Variants in BIRC6 observed in about 807,000 individuals in gnomAD.
BIRC6 encodes baculoviral IAP repeat containing 6.
Under a neutral mutation model 503.3 loss-of-function variants are expected in BIRC6, and 98 were observed. The ratio of observed to expected loss-of-function variants is 0.19; its 90% CI spans 0.17 to 0.23. The LOEUF (loss-of-function observed/expected upper bound fraction) is 0.23. BIRC6 is among the 10% of genes least tolerant of loss of function. The probability of loss-of-function intolerance (pLI) is 1.00; values close to 1 mark genes in which losing one functional copy is unlikely to be tolerated. For missense variants in BIRC6, 5,360 were observed against 5,806.0 expected (o/e 0.92, Z 2.50); for synonymous variants, 2,240 against 2,078.7 (o/e 1.08, Z -2.11).
At chr2:32,417,102 T>G (rs113285506) in intron 10 of BIRC6, among the ~76,000 whole-genome samples, 6,235 of 151,610 alleles carry the variant, frequency 0.041, 234 homozygotes, top group African/African-American at 0.1. Flanking sequence ...CTCCCAAAGT[T>G]CTGGGATTAC....
chr2:32,483,191 A>G (rs888641229), intron 39 of BIRC6, among the ~76,000 whole-genome samples: 9 of 152,210 alleles, frequency 5.9e-5, no homozygotes, highest in African/African-American at 2.2e-4. Flanking sequence ...TGCTTGGATT[A>G]CAGGAGTGAG....
chr2:32,463,458 TA>T (rs1208040459), intron 24 of BIRC6, 77 bp downstream of exon 24: 4 of 1,378,480 alleles, frequency 2.9e-6, no homozygotes, highest in Admixed American at 5.8e-5. Context: ...AAATGACCAT[TA>T]TTTTCATAAA....
intron 66 of BIRC6, among the ~76,000 whole-genome samples, chr2:32,584,571 A>G (rs1255606696): frequency 6.6e-6 from 1 of 152,162 alleles, no homozygotes; most frequent in Non-Finnish European, 1.5e-5. Context: ...TAAAACCTAA[A>G]CAATAAAAAG....
chr2:32,504,734 C>T (rs1025116196), intron 49 of BIRC6, among the ~76,000 whole-genome samples: 6 of 151,866 alleles, frequency 4.0e-5, no homozygotes, highest in Non-Finnish European at 8.8e-5. Context: ...TATTGAGCTA[C>T]GTTTATTGCT....
Position 32,415,733 on chromosome 2 carries a change from G to A in BIRC6, c.2442G>A (p.Gln814=). The change falls in exon 10 of 74, where the codon CAG becomes CAA. Residue 814 remains glutamine (Q), a synonymous_variant. Transcript: ENST00000421745. ...ATGTACAGACTCCTTTAATAATTCA[G>A]CCTGAGCAGAGGAATGTTAGTGGTG... is the stretch of plus-strand genomic sequence containing the variant. The part of the protein sequence containing the change: ...PADVQTPLII[Q]PEQRNVSGGY... 6.2e-7 allele frequency: 1 copy of A among 1,613,796 alleles called. No homozygotes were observed. The highest frequency in any genetic ancestry group is 1.1e-5 in the South Asian group (1 of 91,080).
At chr2:32,437,976 G>A (rs1318560974) in intron 15 of BIRC6, among the ~76,000 whole-genome samples, 1 of 152,076 alleles carries the variant, frequency 6.6e-6, no homozygotes, top group East Asian at 1.9e-4. Flanking sequence ...TTATTTTTTA[G>A]AGACACAGTC....
At chr2:32,511,387 G>A (rs2054417826) in intron 53 of BIRC6, among the ~76,000 whole-genome samples, 1 of 150,228 alleles carries the variant, frequency 6.7e-6, no homozygotes, top group Non-Finnish European at 1.5e-5. Flanking sequence ...TTGGCTCACT[G>A]CAAGCTCCAC....
chr2:32,379,046 T>C (rs868752581), intron 2 of BIRC6: 1 of 152,214 alleles, frequency 6.6e-6, no homozygotes, highest in Non-Finnish European at 1.5e-5. Flanking sequence ...ATCAAAAAAG[T>C]ATGTCCAATA....
chr2:32,441,639 C>A (rs1238070103), intron 17 of BIRC6, among the ~76,000 whole-genome samples, 177 bp downstream of exon 17: 2 of 151,996 alleles, frequency 1.3e-5, no homozygotes, highest in Non-Finnish European at 2.9e-5. Context: ...ATTGGTTTAT[C>A]TCTAGTGTCC....
chr2:32,509,475 G>A (rs1490827736), intron 51 of BIRC6, among the ~76,000 whole-genome samples: 1 of 152,006 alleles, frequency 6.6e-6, no homozygotes, highest in Admixed American at 6.6e-5. Flanking sequence ...GGATGGTCTC[G>A]AACTCCTGAC....
At chr2:32,488,468 G>C in intron 41 of BIRC6, 120 bp from the exon 42 acceptor site, 2 of 746,184 alleles carry the variant, frequency 2.7e-6, no homozygotes, top group Non-Finnish European at 4.1e-6. Flanking sequence ...GTGTGAAGAA[G>C]TGTTTAATAG....
At chr2:32,492,952 A>G (rs1178659927) in intron 44 of BIRC6, among the ~76,000 whole-genome samples, 2 of 151,638 alleles carry the variant, frequency 1.3e-5, no homozygotes, top group Non-Finnish European at 1.5e-5. Context: ...GCACACTTCT[A>G]CCTCAGGTTA....
At chr2:32,502,972 G>A (rs1004372142) in intron 48 of BIRC6, 70 bp from the exon 49 acceptor site, 2 of 1,513,534 alleles carry the variant, frequency 1.3e-6, no homozygotes, top group Non-Finnish European at 1.8e-6. Flanking sequence ...AGTCTTTTGT[G>A]GAAGTTTACT....
At position 32,543,381 on chromosome 2, in the gene BIRC6, G is replaced by A; in HGVS notation, c.12432G>A (p.Lys4144=). The change falls in exon 62 of 74, where the codon AAG becomes AAA. Residue 4144 remains lysine (K), a synonymous_variant. Transcript: ENST00000421745. ...ETVAAEPPPI[K]SAVQTMSPIP... ...TTGCGGCTGAACCTCCACCTATCAA[G>A]TCAGCAGTACAGACCATGTCTCCCA... is the stretch of plus-strand genomic sequence containing the variant. 6.2e-7 allele frequency: 1 copy of A among 1,613,984 alleles called. No individual in the cohort carries two copies. Among genetic ancestry groups the A allele is most frequent in the Non-Finnish European group, 8.5e-7 (1 of 1,179,896 alleles).
chr2:32,498,317 A>C (rs2149426401), intron 45 of BIRC6, among the ~76,000 whole-genome samples: 1 of 152,296 alleles, frequency 6.6e-6, no homozygotes, highest in East Asian at 1.9e-4. Context: ...CACCCGTGTC[A>C]CTGGCATTAC....
At chr2:32,470,144 C>T in intron 30 of BIRC6, 24 bp from the exon 31 acceptor site, 1 of 1,451,926 alleles carries the variant, frequency 6.9e-7, no homozygotes, top group Non-Finnish European at 9.1e-7. Flanking sequence ...TTATTCTTTT[C>T]TTTTTTGTTT....
rs756693528 is a variant in BIRC6, at chr2:32,369,926, T to TAAAA, written c.326-7645_326-7642dup. 7.9e-4 allele frequency among the ~76,000 whole-genome samples: 30 copies of TAAAA among 37,756 alleles called. 1 individual carries two copies. The highest frequency in any genetic ancestry group is 5.3e-3 in the East Asian group (2 of 376). The allele number at this position is 37,756 out of a possible 152,430, so 24.8% of individuals were successfully genotyped here. A position where few individuals can be genotyped will look rare whatever the true frequency, so the allele number is the denominator to read the frequency against. ...GGCAACATAGTGAGACCCTGTCTCT[T>TAAAA]AAAAAAAAAAAAAAAAAAAATATAT... On this transcript the variant is annotated intron_variant, in intron 1 of 73. Coordinates refer to ENST00000421745, the MANE Select transcript of BIRC6 (RefSeq NM_016252.4).
At chr2:32,467,355 A>G (rs1005269786) in intron 26 of BIRC6, among the ~76,000 whole-genome samples, 170 bp from the exon 27 acceptor site, 1 of 152,184 alleles carries the variant, frequency 6.6e-6, no homozygotes, top group Non-Finnish European at 1.5e-5. Context: ...GGGATTTCAG[A>G]AAATTTTTGA....
chr2:32,396,536 G>C (rs1211937008), intron 6 of BIRC6, among the ~76,000 whole-genome samples: 1 of 152,186 alleles, frequency 6.6e-6, no homozygotes, highest in Admixed American at 6.5e-5. Flanking sequence ...TGCAGGCAGA[G>C]AGTTGAATAC....
Sources: allele counts gnomAD v4.1 joint callset (sites outside exome capture counted in the v4.1 genomes callset), GRCh38; gene constraint gnomAD v4.1.1; transcripts MANE v1.5; gene names NCBI Gene and HGNC (gene_info 2026-07-23, HGNC 2026-07-21).